The following TUSC3 variants were observed in gnomAD, a reference collection of about 807,000 sequenced individuals.
TUSC3 encodes the protein tumor suppressor candidate 3.
TUSC3 carries 45 observed loss-of-function variants against 44.8 expected under a neutral mutation model. That is an observed-to-expected ratio of 1.00 (90% CI 0.79 to 1.29). The LOEUF (loss-of-function observed/expected upper bound fraction) is 1.29. Among genes scored for constraint, TUSC3 ranks in the 50% most tolerant of loss-of-function variants. TUSC3 has a pLI of 0.00. For synonymous variants in TUSC3, 212 were observed against 152.9 expected (o/e 1.39, Z -2.85); for missense variants, 519 against 437.9 (o/e 1.19, Z -1.65).
intron 8 of TUSC3, among the ~76,000 whole-genome samples, chr8:15,745,415 A>C (rs1235413925): frequency 1.3e-5 from 2 of 152,024 alleles, no homozygotes; most frequent in Non-Finnish European, 2.9e-5. Flanking sequence ...TCTAATTTAC[A>C]TTCCCGACAA....
intron 2 of TUSC3, among the ~76,000 whole-genome samples, chr8:15,496,551 T>C (rs1051913989): frequency 3.3e-5 from 5 of 152,206 alleles, no homozygotes; most frequent in Admixed American, 6.5e-5. Context: ...GTCTTACTTT[T>C]GGGAGAGAGT....
At chr8:15,647,086 T>C (rs1169663604) in intron 2 of TUSC3, among the ~76,000 whole-genome samples, 4 of 152,168 alleles carry the variant, frequency 2.6e-5, no homozygotes, top group Non-Finnish European at 5.9e-5. Context: ...TATCGTTCTA[T>C]ATTGTCATAG....
At chr8:15,839,731 G>C in the TUSC3 span, among the ~76,000 whole-genome samples, 8 of 152,106 alleles carry the variant, frequency 5.3e-5, no homozygotes, top group Non-Finnish European at 8.8e-5. Context: ...GAAACAACAG[G>C]TGCTGGAGAG....
At chr8:15,584,744 G>A (rs1031390669) in intron 1 of TUSC3, among the ~76,000 whole-genome samples, 2 of 152,110 alleles carry the variant, frequency 1.3e-5, no homozygotes, top group Admixed American at 6.6e-5. Flanking sequence ...ATCCCAGGTA[G>A]TGAGAACAGG....
intron 1 of TUSC3, among the ~76,000 whole-genome samples, chr8:15,470,519 A>G (rs958294950): frequency 6.6e-6 from 1 of 152,072 alleles, no homozygotes; most frequent in African/African-American, 2.4e-5. Flanking sequence ...TGTGATGTTG[A>G]TAGTAGAGAA....
chr8:15,534,607 CA>C (rs1801496506), intron 2 of TUSC3, among the ~76,000 whole-genome samples: 1 of 148,248 alleles, frequency 6.7e-6, no homozygotes, highest in Non-Finnish European at 1.5e-5. Flanking sequence ...CGCGCCACTG[CA>C]CTCCAGCCTA....
At chr8:15,747,781 C>T (rs1318132718) in intron 8 of TUSC3, among the ~76,000 whole-genome samples, 5 of 152,188 alleles carry the variant, frequency 3.3e-5, no homozygotes, top group East Asian at 3.9e-4. Flanking sequence ...AATATTTTGA[C>T]ACTACTACCT....
At chr8:15,686,456 A>G (rs1016203480) in intron 6 of TUSC3, among the ~76,000 whole-genome samples, 2 of 152,006 alleles carry the variant, frequency 1.3e-5, no homozygotes, top group African/African-American at 4.8e-5. Context: ...TTGCAAAATG[A>G]CCTGCTGATT....
upstream of TUSC3, among the ~76,000 whole-genome samples, chr8:15,536,563 T>A (rs1386710726): frequency 6.6e-6 from 1 of 151,054 alleles, no homozygotes; most frequent in Non-Finnish European, 1.5e-5. Context: ...GTGCCTATAC[T>A]CCCAGCTACT....
intron 1 of TUSC3, among the ~76,000 whole-genome samples, chr8:15,583,770 TAAGC>T (rs1274271581): frequency 6.6e-6 from 1 of 152,218 alleles, no homozygotes; most frequent in Non-Finnish European, 1.5e-5. Flanking sequence ...TTTTTTTTCT[TAAGC>T]AAGTATTGGA....
At chr8:15,822,431 T>G in the TUSC3 span, among the ~76,000 whole-genome samples, 1 of 152,188 alleles carries the variant, frequency 6.6e-6, no homozygotes, top group Non-Finnish European at 1.5e-5. Flanking sequence ...GAGAATTACC[T>G]GCAGTGTTTG....
intron 2 of TUSC3, among the ~76,000 whole-genome samples, chr8:15,503,437 C>G (rs568668674): frequency 2.0e-5 from 3 of 152,078 alleles, no homozygotes; most frequent in Non-Finnish European, 4.4e-5. Context: ...CTGGATACTT[C>G]TAGGACCTTC....
chr8:15,475,474 C>G (rs539033798), intron 1 of TUSC3, among the ~76,000 whole-genome samples: 1 of 152,242 alleles, frequency 6.6e-6, no homozygotes, highest in Non-Finnish European at 1.5e-5. Flanking sequence ...TTCTGTTTAT[C>G]TCTCAGTCTC....
intron 6 of TUSC3, among the ~76,000 whole-genome samples, chr8:15,713,701 G>C (rs114807476): frequency 0.023 from 3,455 of 152,024 alleles, 129 homozygotes; most frequent in African/African-American, 0.077. Context: ...TCTGTGTCTT[G>C]ATCTTTTTTT....
chr8:15,585,571 C>T (rs1803563474), intron 1 of TUSC3, among the ~76,000 whole-genome samples: 1 of 152,052 alleles, frequency 6.6e-6, no homozygotes, highest in African/African-American at 2.4e-5. Context: ...TTGCATAAAG[C>T]GTGAATTTCT....
chr8:15,566,200 C>A (rs6991532), intron 1 of TUSC3, among the ~76,000 whole-genome samples: 1 of 152,006 alleles, frequency 6.6e-6, no homozygotes, highest in Non-Finnish European at 1.5e-5. Context: ...TGTAATATAT[C>A]TTTTGCCATG....
rs117620413 is a variant in TUSC3, at chr8:15,586,428, C to T, written c.139-36652C>T. ...AGACCACTTTGCTTTTATAGGAAAA[C>T]AGCAGAAGGAGTCAGTAAAGTAAGA... On this transcript the variant is annotated intron_variant, in intron 1 of 10. Coordinates refer to ENST00000503731, the MANE Select transcript of TUSC3 (RefSeq NM_006765.4). Among the ~76,000 whole-genome samples the T allele has an allele frequency of 4.7e-4, 71 of 152,124 alleles. 1 individual carries two copies. In the East Asian group the frequency reaches 0.013, roughly 27 times the overall value.
At chr8:15,766,706 A>C (rs920075674), downstream of TUSC3, 30 of 152,098 alleles carry the variant, frequency 2.0e-4, no homozygotes, top group African/African-American at 6.3e-4. Context: ...TGTCAATTAC[A>C]ATTCAGCAGG....
chr8:15,442,290 G>A lies in TUSC3; in HGVS notation n.91+24985G>A, dbSNP rs184233880. 3.2e-3 allele frequency among the ~76,000 whole-genome samples: 479 copies of A among 151,862 alleles called. 3 individuals carry two copies. The highest frequency in any genetic ancestry group is 0.011 in the African/African-American group (459 of 41,412). On this transcript the variant is annotated intron_variant and non_coding_transcript_variant, in intron 1 of 5. Transcript: ENST00000503191. Reference sequence around the variant, plus strand: ...TAAGTTACATTATTTCTCTAAGAAAGTAATCTGAAAAATCTCTAAAAGTGA... The same window carrying A: ...TAAGTTACATTATTTCTCTAAGAAAATAATCTGAAAAATCTCTAAAAGTGA...
Sources: gnomAD v4.1 joint callset for allele counts (sites outside exome capture counted in the v4.1 genomes callset) on GRCh38, gnomAD v4.1.1 for gene constraint, MANE v1.5 for transcripts, NCBI Gene and HGNC (gene_info 2026-07-23, HGNC 2026-07-21) for gene names.